Variants in TPH1 observed in about 807,000 individuals in gnomAD.
The protein encoded by TPH1 is tryptophan hydroxylase 1, also known as tryptophan 5-hydroxylase 1.
Under a neutral mutation model 49.5 loss-of-function variants are expected in TPH1, and 37 were observed. That is an observed-to-expected ratio of 0.75 (90% confidence interval 0.58 to 0.98). The LOEUF is 0.98. TPH1 is among the 50% of genes least tolerant of loss of function. The probability of loss-of-function intolerance (pLI) is 0.00; values close to 1 mark genes in which losing one functional copy is unlikely to be tolerated. For missense variants in TPH1, 487 were observed against 523.6 expected, an observed-to-expected ratio of 0.93 and a Z score of 0.68; for synonymous variants, 160 against 182.1, an observed-to-expected ratio of 0.88 and a Z score of 0.98.
intron 2 of TPH1, among the ~76,000 whole-genome samples, chr11:18,038,955 G>A (rs1388632513): frequency 1.3e-5 from 2 of 151,978 alleles, no homozygotes; most frequent in African/African-American, 4.8e-5. Context: ...ATAATAGAAA[G>A]TAAATGAATA....
chr11:18,031,596 G>A (rs1337732393), intron 4 of TPH1, among the ~76,000 whole-genome samples: 3 of 152,088 alleles, frequency 2.0e-5, no homozygotes, highest in Non-Finnish European at 2.9e-5. Context: ...AAAGAAGGGA[G>A]ACCAGTTTAA....
chr11:18,035,414 T>TCTTG (rs1848036449), intron 3 of TPH1, among the ~76,000 whole-genome samples: 1 of 149,114 alleles, frequency 6.7e-6, no homozygotes, highest in Non-Finnish European at 1.5e-5. Flanking sequence ...TTTCTTTCTT[T>TCTTG]CTTTCTCTCT....
At chr11:18,025,462 C>T in intron 8 of TPH1, 113 bp downstream of exon 8, 1 of 1,474,394 alleles carries the variant, frequency 6.8e-7, no homozygotes, top group South Asian at 1.1e-5. Flanking sequence ...CTCACTGCAA[C>T]CTCCAAGCAA....
intron 4 of TPH1, among the ~76,000 whole-genome samples, chr11:18,031,833 T>G (rs1386266239): frequency 6.6e-6 from 1 of 152,194 alleles, no homozygotes; most frequent in Non-Finnish European, 1.5e-5. Context: ...AATGTCGCCT[T>G]TCTCTGATCT....
At chr11:18,043,867 T>TAAA (rs879676856) in intron 1 of TPH1, among the ~76,000 whole-genome samples, 1 of 144,686 alleles carries the variant, frequency 6.9e-6, no homozygotes. Context: ...CCCTGTCTCT[T>TAAA]AAAAAAAAAA....
intron 8 of TPH1, among the ~76,000 whole-genome samples, chr11:18,024,643 A>G (rs1240493769): frequency 6.6e-6 from 1 of 152,198 alleles, no homozygotes; most frequent in East Asian, 1.9e-4. Context: ...TGGAATCTGA[A>G]TTATGTCAAT....
chr11:18,023,111 G>C, intron 9 of TPH1, 180 bp from the exon 10 acceptor site: 1 of 620,442 alleles, frequency 1.6e-6, no homozygotes, highest in Non-Finnish European at 2.8e-6. Context: ...AAAATGGCTT[G>C]CCCTTCCCTG....
chr11:18,036,736 C>T (rs1308123652), intron 2 of TPH1, among the ~76,000 whole-genome samples: 1 of 152,120 alleles, frequency 6.6e-6, no homozygotes, highest in Non-Finnish European at 1.5e-5. Flanking sequence ...AGGAAGAGTG[C>T]TGGGGACATG....
chr11:18,045,781 C>T (rs186201639), intron 1 of TPH1, among the ~76,000 whole-genome samples: 24 of 152,112 alleles, frequency 1.6e-4, no homozygotes, highest in African/African-American at 5.3e-4. Context: ...CCTTCTTCTT[C>T]GGGAGGCTGT....
chr11:18,033,180 G>A (rs1848008831), intron 4 of TPH1, 94 bp downstream of exon 4: 2 of 963,912 alleles, frequency 2.1e-6, no homozygotes, highest in African/African-American at 3.2e-5. Flanking sequence ...TTGAACCCAA[G>A]AAGCAGAGGT....
intron 2 of TPH1, among the ~76,000 whole-genome samples, 184 bp from the exon 3 acceptor site, chr11:18,036,326 C>T (rs1395150936): frequency 1.3e-5 from 2 of 152,110 alleles, no homozygotes; most frequent in Non-Finnish European, 2.9e-5. Context: ...TATTAGAAAA[C>T]TTTTCAAAAT....
chr11:18,039,709 G>A (rs1373619197), intron 2 of TPH1, among the ~76,000 whole-genome samples: 2 of 152,104 alleles, frequency 1.3e-5, no homozygotes, highest in African/African-American at 4.8e-5. Context: ...CATACTCTGT[G>A]AGGACAGGCA....
intron 10 of TPH1, among the ~76,000 whole-genome samples, chr11:18,022,194 G>A (rs1854371211): frequency 6.6e-6 from 1 of 152,168 alleles, no homozygotes; most frequent in Admixed American, 6.5e-5. Context: ...TTCGCCTGAA[G>A]TGTTCCAAGA....
intron 1 of TPH1, among the ~76,000 whole-genome samples, chr11:18,045,474 A>AT (rs1554899926): frequency 1.5e-5 from 1 of 65,560 alleles, no homozygotes; most frequent in Admixed American, 1.4e-4. Flanking sequence ...TTAGAATTCC[A>AT]CCCCCCCCTT....
chr11:18,040,526 C>A, intron 2 of TPH1, 120 bp downstream of exon 2: 1 of 987,834 alleles, frequency 1.0e-6, no homozygotes, highest in Admixed American at 2.5e-5. Context: ...CACCACCACA[C>A]CCAGCTAAAT....
chr11:18,036,007 T>C lies in TPH1; in HGVS notation c.253A>G (p.Asn85Asp). ...TCTGGTAGATTCACAGAGAGAACAT[T>C]GGTATGAGACTTCAGCAGATGAAAA... is the stretch of plus-strand genomic sequence containing the variant. ...DIFHLLKSHT[N>D]VLSVNLPDNF... Residue 85 changes from asparagine (N) to aspartate (D), a missense_variant, in exon 3 of 11, where the codon AAT becomes GAT. Transcript: ENST00000682019. 3.7e-6 allele frequency: 6 copies of C among 1,612,638 alleles called. No homozygotes were observed. The highest frequency in any genetic ancestry group is 2.0e-4 in the Middle Eastern group (1 of 5,030).
chr11:18,033,603 T>C (rs1479376201), intron 3 of TPH1, among the ~76,000 whole-genome samples: 2 of 152,228 alleles, frequency 1.3e-5, no homozygotes, highest in East Asian at 3.8e-4. Flanking sequence ...CAGGTTGATG[T>C]CTAAGTTTTG....
intron 1 of TPH1, among the ~76,000 whole-genome samples, chr11:18,045,653 A>G (rs1848134324): frequency 6.6e-6 from 1 of 152,208 alleles, no homozygotes; most frequent in South Asian, 2.1e-4. Context: ...AACTGACTCT[A>G]AACCGCAAGG....
In TPH1 at chr11:18,029,369, G is replaced by A. The variant is rs1399980757; in HGVS notation, c.471-8C>T. ...TTTGGAATGGGGTCTCCACTAATGA[G>A]ATAAAGGGAAGGAGTTGTTTTGAAT... On this transcript the variant is annotated splice_region_variant and splice_polypyrimidine_tract_variant and intron_variant, in intron 5 of 10. Coordinates refer to ENST00000682019, the MANE Select transcript of TPH1 (RefSeq NM_004179.3). 3 of 1,612,604 alleles carry A rather than the reference G, an allele frequency of 1.9e-6. No homozygotes were observed. The highest frequency in any genetic ancestry group is 1.7e-6 in the Non-Finnish European group (2 of 1,178,806).
Sources: gnomAD v4.1 joint callset for allele counts (sites outside exome capture counted in the v4.1 genomes callset) on GRCh38, gnomAD v4.1.1 for gene constraint, MANE v1.5 for transcripts, NCBI Gene and HGNC (gene_info 2026-07-23, HGNC 2026-07-21) for gene names.